Variants in GRIK2 observed in about 807,000 individuals in gnomAD.
The protein encoded by GRIK2 is glutamate receptor ionotropic, kainate 2.
Under a neutral mutation model 100.3 loss-of-function variants are expected in GRIK2, and 32 were observed. The observed-to-expected ratio is 0.32, with a 90% CI of 0.24 to 0.43. GRIK2 has a LOEUF of 0.43. Among genes scored for constraint, GRIK2 ranks in the 20% least tolerant of loss-of-function variants. The probability of loss-of-function intolerance (pLI) is 1.00; values close to 1 mark genes in which losing one functional copy is unlikely to be tolerated. For missense variants in GRIK2, 843 were observed against 1,114.9 expected, an observed-to-expected ratio of 0.76 and a Z score of 3.47; for synonymous variants, 417 against 389.4, an observed-to-expected ratio of 1.07 and a Z score of -0.83.
chr6:101,826,650 T>A (rs142779386), intron 10 of GRIK2, among the ~76,000 whole-genome samples: 1 of 152,044 alleles, frequency 6.6e-6, no homozygotes, highest in Non-Finnish European at 1.5e-5. Context: ...ATTTGATTGA[T>A]TCAAACTTCA....
intron 10 of GRIK2, among the ~76,000 whole-genome samples, chr6:101,841,975 A>T (rs887269604): frequency 6.6e-5 from 10 of 152,180 alleles, no homozygotes; most frequent in Non-Finnish European, 1.3e-4. Context: ...CCTGCCACTT[A>T]GTAGTTGATT....
intron 14 of GRIK2, among the ~76,000 whole-genome samples, chr6:102,030,073 T>A (rs989973942): frequency 5.3e-5 from 8 of 151,324 alleles, no homozygotes; most frequent in Non-Finnish European, 1.0e-4. Context: ...AGTCACTATG[T>A]TAAATGACAT....
At chr6:101,720,884 G>C (rs1014327888) in intron 7 of GRIK2, among the ~76,000 whole-genome samples, 3 of 151,980 alleles carry the variant, frequency 2.0e-5, no homozygotes, top group African/African-American at 7.2e-5. Context: ...TTTATGGCCA[G>C]AATCTTAGCA....
chr6:102,052,075 G>C (rs1771228488), intron 15 of GRIK2, among the ~76,000 whole-genome samples: 1 of 152,128 alleles, frequency 6.6e-6, no homozygotes, highest in South Asian at 2.1e-4. Context: ...GAGAATGGAA[G>C]ATTCTTTCGT....
intron 16 of GRIK2, among the ~76,000 whole-genome samples, chr6:102,066,494 T>C (rs1562151173): frequency 6.7e-6 from 1 of 148,244 alleles, no homozygotes; most frequent in African/African-American, 2.6e-5. Context: ...AACAAAAGAA[T>C]GTGCCTGGTC....
intron 2 of GRIK2, among the ~76,000 whole-genome samples, chr6:101,487,771 C>T (rs1246624980): frequency 6.8e-6 from 1 of 146,232 alleles, no homozygotes; most frequent in African/African-American, 2.6e-5. Flanking sequence ...GTTATGGATA[C>T]AGCATTAAAT....
chr6:101,842,133 G>A (rs1783543446), intron 10 of GRIK2, among the ~76,000 whole-genome samples: 1 of 152,160 alleles, frequency 6.6e-6, no homozygotes, highest in South Asian at 2.1e-4. Flanking sequence ...AACGACCACA[G>A]GGTAATCTAA....
At chr6:101,756,589 A>T (rs1777152787) in intron 7 of GRIK2, among the ~76,000 whole-genome samples, 1 of 152,184 alleles carries the variant, frequency 6.6e-6, no homozygotes, top group African/African-American at 2.4e-5. Flanking sequence ...TGTTCTACTA[A>T]ACGTCATTTT....
At chr6:101,933,778 A>G (rs1052187343) in intron 14 of GRIK2, among the ~76,000 whole-genome samples, 4 of 151,960 alleles carry the variant, frequency 2.6e-5, no homozygotes, top group Non-Finnish European at 5.9e-5. Context: ...ATTATTCTAC[A>G]GGGCAGTCAA....
chr6:101,452,756 A>T (rs577580696), intron 2 of GRIK2, among the ~76,000 whole-genome samples: 48 of 151,882 alleles, frequency 3.2e-4, no homozygotes, highest in African/African-American at 7.7e-4. Context: ...CTTGTGTTTT[A>T]AAAAAAACCC....
At chr6:102,057,430 T>A (rs909866271) in intron 16 of GRIK2, among the ~76,000 whole-genome samples, 2 of 152,026 alleles carry the variant, frequency 1.3e-5, no homozygotes, top group South Asian at 4.1e-4. Context: ...TCGTGCTTCA[T>A]TGTTATTACG....
At chr6:101,916,097 C>T (rs1789087621) in intron 12 of GRIK2, among the ~76,000 whole-genome samples, 1 of 151,374 alleles carries the variant, frequency 6.6e-6, no homozygotes, top group Non-Finnish European at 1.5e-5. Context: ...AAACATAATA[C>T]TGTAAAGTTT....
At chr6:101,438,471 C>G (rs1033950827) in intron 2 of GRIK2, among the ~76,000 whole-genome samples, 1 of 152,034 alleles carries the variant, frequency 6.6e-6, no homozygotes, top group Non-Finnish European at 1.5e-5. Flanking sequence ...CTGTAAATAG[C>G]TCCACTATCG....
chr6:101,546,815 G>GTTTT (rs1228943767), intron 2 of GRIK2, among the ~76,000 whole-genome samples: 2 of 80,580 alleles, frequency 2.5e-5, no homozygotes, highest in Admixed American at 1.2e-4. Flanking sequence ...TCATGTTTTT[G>GTTTT]TTTCTTTTTT....
At chr6:101,518,677 T>C (rs2247218) in intron 2 of GRIK2, among the ~76,000 whole-genome samples, 39,184 of 152,054 alleles carry the variant, frequency 0.26, 5,577 homozygotes, top group Middle Eastern at 0.31. Context: ...TGGCCCACTA[T>C]ATAGCTCTTT....
intron 2 of GRIK2, among the ~76,000 whole-genome samples, chr6:101,576,866 A>G (rs1258556663): frequency 6.6e-6 from 1 of 151,126 alleles, no homozygotes; most frequent in Non-Finnish European, 1.5e-5. Context: ...TACTAGAGAG[A>G]CACAAACAAG....
intron 11 of GRIK2, among the ~76,000 whole-genome samples, chr6:101,864,794 T>A (rs1186101749): frequency 6.6e-6 from 1 of 152,178 alleles, no homozygotes; most frequent in African/African-American, 2.4e-5. Flanking sequence ...AATAATTGAC[T>A]AAATGTGTGC....
intron 14 of GRIK2, among the ~76,000 whole-genome samples, chr6:101,930,342 C>CAA (rs370301977): frequency 1.2e-4 from 17 of 146,334 alleles, no homozygotes; most frequent in African/African-American, 4.3e-4. Flanking sequence ...AATCCTGTCT[C>CAA]AAAAAAAAAA....
chr6:101,792,719 G>T (rs1022262203), intron 7 of GRIK2, among the ~76,000 whole-genome samples: 8 of 151,968 alleles, frequency 5.3e-5, no homozygotes, highest in African/African-American at 1.9e-4. Context: ...TATCTTTGTG[G>T]TGTTCTCTGT....
Sources: gnomAD v4.1 joint callset for allele counts (sites outside exome capture counted in the v4.1 genomes callset) on GRCh38, gnomAD v4.1.1 for gene constraint, MANE v1.5 for transcripts, NCBI Gene and HGNC (gene_info 2026-07-23, HGNC 2026-07-21) for gene names.